PTPRK: variants seen among roughly 807,000 people sequenced by gnomAD.
The protein encoded by PTPRK is receptor-type tyrosine-protein phosphatase kappa.
Under a neutral mutation model 178.0 loss-of-function variants are expected in PTPRK, and 75 were observed. That is an observed-to-expected ratio of 0.42 (90% confidence interval 0.35 to 0.51). PTPRK has a LOEUF of 0.51. Ranked by LOEUF, PTPRK falls within the 20% of genes least tolerant of loss-of-function variation. The probability of loss-of-function intolerance (pLI) is 0.02; values close to 1 mark genes in which losing one functional copy is unlikely to be tolerated. For synonymous variants in PTPRK, 637 were observed against 620.6 expected, an observed-to-expected ratio of 1.03 and a Z score of -0.39; for missense variants, 1,441 against 1,797.8, an observed-to-expected ratio of 0.80 and a Z score of 3.59.
intron 2 of PTPRK, among the ~76,000 whole-genome samples, chr6:128,364,376 A>G (rs1835192045): frequency 6.6e-6 from 1 of 152,074 alleles, no homozygotes. Context: ...TATTATCCCT[A>G]CCTAAACTTG....
chr6:128,159,552 G>A (rs948255677), intron 7 of PTPRK, among the ~76,000 whole-genome samples: 5 of 151,698 alleles, frequency 3.3e-5, no homozygotes, highest in African/African-American at 1.2e-4. Flanking sequence ...GAAAGTTGTG[G>A]AAAACCCATT....
chr6:128,451,154 T>C (rs1847737759), intron 1 of PTPRK, among the ~76,000 whole-genome samples: 1 of 152,208 alleles, frequency 6.6e-6, no homozygotes, highest in Non-Finnish European at 1.5e-5. Flanking sequence ...ACTCTTAAAA[T>C]ACTTTGATAT....
At chr6:128,510,397 A>G (rs1048805715) in intron 1 of PTPRK, among the ~76,000 whole-genome samples, 5 of 152,204 alleles carry the variant, frequency 3.3e-5, no homozygotes, top group African/African-American at 4.8e-5. Flanking sequence ...GTACCCCAAG[A>G]TATTTCTTAT....
chr6:128,280,817 A>C (rs930852154), intron 3 of PTPRK, among the ~76,000 whole-genome samples: 13 of 152,354 alleles, frequency 8.5e-5, no homozygotes, highest in African/African-American at 3.1e-4. Context: ...ACATATATTT[A>C]GAAAAATCTG....
chr6:128,149,070 T>A (rs1796897174), intron 7 of PTPRK, among the ~76,000 whole-genome samples: 1 of 150,870 alleles, frequency 6.6e-6, no homozygotes, highest in African/African-American at 2.4e-5. Context: ...CAAATCAGTC[T>A]GCTTGATATA....
At chr6:128,029,167 T>C (rs1389971182) in intron 13 of PTPRK, among the ~76,000 whole-genome samples, 1 of 152,138 alleles carries the variant, frequency 6.6e-6, no homozygotes, top group Non-Finnish European at 1.5e-5. Context: ...ATGAGTGTTC[T>C]TGTGAGATCT....
chr6:128,193,765 T>C (rs1049400224), intron 6 of PTPRK, among the ~76,000 whole-genome samples: 9 of 152,158 alleles, frequency 5.9e-5, no homozygotes, highest in Non-Finnish European at 1.3e-4. Flanking sequence ...CATGGCGTTT[T>C]ATTCACCTTG....
intron 7 of PTPRK, among the ~76,000 whole-genome samples, chr6:128,152,747 G>A (rs902239576): frequency 7.9e-5 from 12 of 151,906 alleles, no homozygotes; most frequent in African/African-American, 2.9e-4. Flanking sequence ...GCAGACCCAC[G>A]TGGCAAAAGG....
intron 1 of PTPRK, among the ~76,000 whole-genome samples, chr6:128,402,531 CG>C (rs1483436289): frequency 6.6e-6 from 1 of 152,120 alleles, no homozygotes; most frequent in East Asian, 1.9e-4. Context: ...GGATTACAGG[CG>C]TGAGCCACTG....
chr6:128,322,987 CCACT>C (rs1486648729), intron 2 of PTPRK, among the ~76,000 whole-genome samples: 2 of 152,032 alleles, frequency 1.3e-5, no homozygotes, highest in East Asian at 3.9e-4. Context: ...GGAGTCTCAC[CCACT>C]AAGGTGTCAG....
chr6:128,245,518 T>C (rs1446241478), intron 3 of PTPRK, among the ~76,000 whole-genome samples: 3 of 152,144 alleles, frequency 2.0e-5, no homozygotes, highest in Non-Finnish European at 4.4e-5. Context: ...CTCCCTTCCA[T>C]CTGTCCCAAT....
chr6:127,977,639 C>A (rs1774761356), intron 25 of PTPRK, among the ~76,000 whole-genome samples: 1 of 152,196 alleles, frequency 6.6e-6, no homozygotes, highest in African/African-American at 2.4e-5. Context: ...AATCCACCTT[C>A]CACAGCTTCC....
intron 7 of PTPRK, among the ~76,000 whole-genome samples, chr6:128,133,036 C>T (rs1418866473): frequency 3.3e-5 from 5 of 152,100 alleles, no homozygotes; most frequent in African/African-American, 9.7e-5. Context: ...ACTCATTAGT[C>T]AAAAATTCCA....
intron 5 of PTPRK, among the ~76,000 whole-genome samples, chr6:128,230,279 G>A (rs1353993980): frequency 1.3e-5 from 2 of 152,168 alleles, no homozygotes; most frequent in African/African-American, 2.4e-5. Flanking sequence ...GATAAATTGC[G>A]AGGAAAGGAA....
intron 7 of PTPRK, among the ~76,000 whole-genome samples, chr6:128,118,215 T>A (rs1294619038): frequency 6.6e-6 from 1 of 152,136 alleles, no homozygotes; most frequent in East Asian, 1.9e-4. Context: ...GGTGAAGGGA[T>A]CTATAGCATG....
At chr6:128,287,675 A>C (rs999854476) in intron 3 of PTPRK, among the ~76,000 whole-genome samples, 8 of 152,128 alleles carry the variant, frequency 5.3e-5, no homozygotes, top group Non-Finnish European at 8.8e-5. Flanking sequence ...CACCAAGCTA[A>C]AAACCTCTGT....
rs147309532 is a variant in PTPRK at position 128,270,926 on chromosome 6, G to A, written c.496-28324C>T. Among the ~76,000 whole-genome samples the A allele has an allele frequency of 3.0e-3, 461 of 151,938 alleles. 2 individuals carry two copies. The highest frequency in any genetic ancestry group is 2.6e-3 in the Non-Finnish European group (175 of 67,978). On this transcript the variant is annotated intron_variant, in intron 3 of 29. Coordinates refer to ENST00000368226, the MANE Select transcript of PTPRK (RefSeq NM_002844.4). ...GCACATATGCTGTATAAAAGGAGAG[G>A]GCAGAACTGGATAGCTAAGGTCTTA...
At chr6:128,374,906 T>C (rs1468531407) in intron 2 of PTPRK, among the ~76,000 whole-genome samples, 1 of 152,028 alleles carries the variant, frequency 6.6e-6, no homozygotes, top group Non-Finnish European at 1.5e-5. Flanking sequence ...TTGGTCATCT[T>C]ATTCTTCCTC....
intron 1 of PTPRK, among the ~76,000 whole-genome samples, chr6:128,440,965 G>C (rs1398687750): frequency 6.6e-6 from 1 of 151,944 alleles, no homozygotes; most frequent in East Asian, 1.9e-4. Context: ...GTATTTGATG[G>C]ATGCTGCTAA....
Sources: allele counts gnomAD v4.1 joint callset (sites outside exome capture counted in the v4.1 genomes callset), GRCh38; gene constraint gnomAD v4.1.1; transcripts MANE v1.5; gene names NCBI Gene and HGNC (gene_info 2026-07-23, HGNC 2026-07-21).